Variants in GSDME observed in about 807,000 individuals in gnomAD.
GSDME encodes gasdermin E, also known as gasdermin-E.
In GSDME, 44 loss-of-function variants were observed where a neutral mutation model predicts 47.5. The observed-to-expected ratio is 0.93, with a 90% CI of 0.73 to 1.19. The LOEUF is 1.19. Among genes scored for constraint, GSDME ranks in the 50% most tolerant of loss-of-function variants. The pLI, the probability that GSDME is intolerant of heterozygous loss-of-function variation, is 0.00. For synonymous variants in GSDME, 258 were observed against 252.8 expected, an observed-to-expected ratio of 1.02 and a Z score of -0.20; for missense variants, 663 against 604.2, an observed-to-expected ratio of 1.10 and a Z score of -1.02.
At chr7:24,750,815 GAGAAA>G (rs1192328109) in intron 1 of GSDME, among the ~76,000 whole-genome samples, 1 of 152,168 alleles carries the variant, frequency 6.6e-6, no homozygotes, top group African/African-American at 2.4e-5. Flanking sequence ...TTAGCAGGAG[GAGAAA>G]AGAAGAGATA....
chr7:24,780,755 C>T, the GSDME span, among the ~76,000 whole-genome samples: 1 of 152,228 alleles, frequency 6.6e-6, no homozygotes, highest in Non-Finnish European at 1.5e-5. This position sits in a 1 kb window ranked among gnomAD's most constrained non-coding sequence, Gnocchi z 4.1. Context: ...AGCGGCAGAG[C>T]AGGGTCTTAG....
At chr7:24,707,941 C>T (rs1381408755) in intron 7 of GSDME, 186 bp downstream of exon 7, 10 of 662,656 alleles carry the variant, frequency 1.5e-5, no homozygotes, top group Admixed American at 8.8e-5. Context: ...AGGAAATTAA[C>T]ACCTCCCTCC....
At position 24,725,521 on chromosome 7, in the gene GSDME, C is replaced by A. The variant is rs1789936296; in HGVS notation, c.405-6303G>T. On this transcript the variant is annotated intron_variant, in intron 3 of 9. Transcript: ENST00000645220. The surrounding 1 kb of genome is among the most constrained non-coding windows in gnomAD (Gnocchi z 5.1). Reference sequence around the variant, plus strand: ...TCGGCAAGACTCCTGTCTCAAGAGCCAAGCTCTTGAGTGAGCAATTCCTGT... The same window carrying A: ...TCGGCAAGACTCCTGTCTCAAGAGCAAAGCTCTTGAGTGAGCAATTCCTGT... Among the ~76,000 whole-genome samples, 1 of 152,120 alleles carries A rather than the reference C, an allele frequency of 6.6e-6. No individual in the cohort carries two copies. Among genetic ancestry groups the A allele is most frequent in the African/African-American group, 2.4e-5 (1 of 41,412 alleles).
chr7:24,743,714 C>A (rs913900898), intron 3 of GSDME, among the ~76,000 whole-genome samples: 1 of 152,166 alleles, frequency 6.6e-6, no homozygotes, highest in Non-Finnish European at 1.5e-5. Context: ...CTGCCCACAG[C>A]GTCCTGCCCA....
At position 24,725,746 on chromosome 7, in the gene GSDME, T is replaced by C. The variant is rs926081293; in HGVS notation, c.405-6528A>G. On this transcript the variant is annotated intron_variant, in intron 3 of 9. Transcript: ENST00000645220. The surrounding 1 kb of genome is among the most constrained non-coding windows in gnomAD (Gnocchi z 5.1). ...AACTGATTAGGTCAGGGGTCAATCTTTAACGACCAGGCCCAGGGTGTGACG... is the reference window on the plus strand; with the variant it reads ...AACTGATTAGGTCAGGGGTCAATCTCTAACGACCAGGCCCAGGGTGTGACG... Among the ~76,000 whole-genome samples the C allele has an allele frequency of 3.9e-5, 6 of 152,194 alleles. No individual in the cohort carries two copies. The highest frequency in any genetic ancestry group is 8.8e-5 in the Non-Finnish European group (6 of 68,032).
intron 9 of GSDME, among the ~76,000 whole-genome samples, chr7:24,701,902 G>C (rs575140854): frequency 1.3e-5 from 2 of 152,296 alleles, no homozygotes; most frequent in Admixed American, 1.3e-4. Flanking sequence ...CACATTACTC[G>C]GTGTTCCCAG....
chr7:24,787,864 A>G, the GSDME span, among the ~76,000 whole-genome samples: 150,730 of 151,644 alleles, frequency 0.99, 74,917 homozygotes, highest in Middle Eastern at 1. This position sits in a 1 kb window ranked among gnomAD's most constrained non-coding sequence, Gnocchi z 5.0. Flanking sequence ...GTGCCACCAC[A>G]CCCAGCTAAT....
the GSDME span, among the ~76,000 whole-genome samples, chr7:24,791,454 G>T: frequency 6.6e-6 from 1 of 152,208 alleles, no homozygotes; most frequent in East Asian, 1.9e-4. This position sits in a 1 kb window ranked among gnomAD's most constrained non-coding sequence, Gnocchi z 4.8. Context: ...GCTAGGAGGT[G>T]ACACACTGCT....
At chr7:24,789,261 GACACAC>G in the GSDME span, among the ~76,000 whole-genome samples, 1 of 149,440 alleles carries the variant, frequency 6.7e-6, no homozygotes, top group Non-Finnish European at 1.5e-5. Flanking sequence ...TTCACATTAG[GACACAC>G]ACACACACAC....
At position 24,744,552 on chromosome 7, in the gene GSDME, G is replaced by T. The variant is rs775609342; in HGVS notation, c.404+10C>A. 1 of 1,614,052 alleles carries T rather than the reference G, an allele frequency of 6.2e-7. No individual in the cohort carries two copies. Among genetic ancestry groups the T allele is most frequent in the South Asian group, 1.1e-5 (1 of 91,078 alleles). On this transcript the variant is annotated intron_variant, in intron 3 of 9. Transcript: ENST00000645220. The surrounding 1 kb of genome is among the most constrained non-coding windows in gnomAD (Gnocchi z 4.5). ...TGTCAAAATCCAAAATGCCAAACAA[G>T]TCTCCTTACCTCTCGGCAGAGTCTC...
At chr7:24,791,868 T>G in the GSDME span, among the ~76,000 whole-genome samples, 1 of 152,222 alleles carries the variant, frequency 6.6e-6, no homozygotes, top group Non-Finnish European at 1.5e-5. This position sits in a 1 kb window ranked among gnomAD's most constrained non-coding sequence, Gnocchi z 4.8. Flanking sequence ...TAAGTTTCCT[T>G]GCTGTCGTGA....
chr7:24,711,746 C>T (rs190586897), intron 5 of GSDME, among the ~76,000 whole-genome samples: 2 of 140,256 alleles, frequency 1.4e-5, no homozygotes, highest in Admixed American at 7.9e-5. Context: ...GCCCTGGAGG[C>T]GGAGGTTGCA....
chr7:24,722,119 C>T (rs1286055187), intron 3 of GSDME, among the ~76,000 whole-genome samples: 1 of 152,214 alleles, frequency 6.6e-6, no homozygotes, highest in Non-Finnish European at 1.5e-5. Flanking sequence ...GTGTGCTCTC[C>T]TGTTGACTGC....
the GSDME span, among the ~76,000 whole-genome samples, chr7:24,766,214 T>TGTGTGTGCGC: frequency 6.1e-4 from 92 of 151,406 alleles, no homozygotes; most frequent in African/African-American, 1.1e-3. The surrounding 1 kb of genome is among the most constrained non-coding windows in gnomAD (Gnocchi z 4.2). Context: ...TGTGTGTGTG[T>TGTGTGTGCGC]GCATGTTTGC....
Position 24,698,956 on chromosome 7 carries a change from G to T in GSDME, c.*70C>A. The stretch of plus-strand genomic sequence containing the variant: ...CATTTCATTGGTCAACTTTTAACGT[G>T]CATATGACCTTTAACAGTTCTGAAA... On this transcript the variant is annotated 3_prime_UTR_variant, in exon 10 of 10. Transcript: ENST00000645220. The T allele has an allele frequency of 2.0e-6, 2 of 1,017,952 alleles. No individual in the cohort carries two copies. Among genetic ancestry groups the T allele is most frequent in the South Asian group, 1.4e-5 (1 of 73,858 alleles). The allele number at this position is 1,017,952 out of a possible 1,614,324, so 63.1% of individuals were successfully genotyped here.
intron 3 of GSDME, among the ~76,000 whole-genome samples, chr7:24,737,904 G>A (rs1486507836): frequency 6.6e-6 from 1 of 152,168 alleles, no homozygotes; most frequent in Non-Finnish European, 1.5e-5. Flanking sequence ...TATTTCAACT[G>A]ATGCTGAAAA....
intron 5 of GSDME, among the ~76,000 whole-genome samples, chr7:24,710,963 C>A (rs1312741397): frequency 6.6e-6 from 1 of 152,200 alleles, no homozygotes; most frequent in Non-Finnish European, 1.5e-5. Flanking sequence ...CTCTCTGAAT[C>A]TGTTTCTACA....
chr7:24,758,916 C>T (rs918038647), upstream of GSDME, among the ~76,000 whole-genome samples: 1 of 152,170 alleles, frequency 6.6e-6, no homozygotes. This position sits in a 1 kb window ranked among gnomAD's most constrained non-coding sequence, Gnocchi z 4.6. Flanking sequence ...TAGGATTTGA[C>T]ACATGGTAGC....
At chr7:24,755,229 A>T (rs1458751240) in intron 1 of GSDME, among the ~76,000 whole-genome samples, 7 of 152,234 alleles carry the variant, frequency 4.6e-5, no homozygotes, top group South Asian at 4.1e-4. Context: ...ACATGAAAAC[A>T]AGGCTTCTCT....
Sources: gnomAD v4.1 joint callset for allele counts (sites outside exome capture counted in the v4.1 genomes callset) on GRCh38, gnomAD v4.1.1 for gene constraint, Gnocchi (gnomAD v3.1) non-coding constraint, MANE v1.5 for transcripts, NCBI Gene and HGNC (gene_info 2026-07-23, HGNC 2026-07-21) for gene names.